The following TMEM132C variants were observed in gnomAD, a reference collection of about 807,000 sequenced individuals.
TMEM132C encodes protein phosphatase 1, regulatory subunit 152.
Under a neutral mutation model 61.4 loss-of-function variants are expected in TMEM132C, and 29 were observed. The ratio of observed to expected loss-of-function variants is 0.47; its 90% CI spans 0.35 to 0.64. The LOEUF (loss-of-function observed/expected upper bound fraction) is 0.64, where lower values mean the gene tolerates loss of function less well. Among genes scored for constraint, TMEM132C ranks in the 30% least tolerant of loss-of-function variants. TMEM132C has a pLI of 0.00. For missense variants in TMEM132C, 1,408 were observed against 1,476.9 expected (o/e 0.95, Z 0.76); for synonymous variants, 656 against 633.1 (o/e 1.04, Z -0.54).
In TMEM132C at chr12:128,325,537, T is replaced by C. The variant is rs527873933; in HGVS notation, c.85+58050T>C. ...ATGTATATACATGCACATGTATGTA[T>C]ATATGTATATACAGAGTGTATATTC... On this transcript the variant is annotated intron_variant, in intron 1 of 8. Transcript: ENST00000435159. Among the ~76,000 whole-genome samples the C allele has an allele frequency of 3.3e-5, 5 of 152,302 alleles. No individual in the cohort carries two copies. The South Asian group carries it at 1.0e-3, about 32-fold the overall frequency.
chr12:128,267,568 A>G, intron 1 of TMEM132C, 81 bp downstream of exon 1: 6 of 1,106,980 alleles, frequency 5.4e-6, no homozygotes, highest in Non-Finnish European at 6.8e-6. Context: ...GGGCAGCCGA[A>G]GCGAGGGGTG....
intron 1 of TMEM132C, among the ~76,000 whole-genome samples, chr12:128,331,368 G>A (rs1168147382): frequency 6.6e-6 from 1 of 152,128 alleles, no homozygotes; most frequent in African/African-American, 2.4e-5. Flanking sequence ...GCCAAATCAG[G>A]GCTTTTAGAA....
chr12:128,490,384 C>T (rs151288511), intron 2 of TMEM132C, among the ~76,000 whole-genome samples: 380 of 152,290 alleles, frequency 2.5e-3, no homozygotes, highest in Non-Finnish European at 4.6e-3. Context: ...CTGGCCACCA[C>T]GATGGCTCCC....
chr12:128,695,725 G>A, intron 6 of TMEM132C, 105 bp from the exon 7 acceptor site: 1 of 1,300,096 alleles, frequency 7.7e-7, no homozygotes. Flanking sequence ...TGGCGCTCGT[G>A]TCTTCAATGT....
intron 1 of TMEM132C, among the ~76,000 whole-genome samples, chr12:128,400,944 T>C (rs901399200): frequency 6.6e-6 from 1 of 152,042 alleles, no homozygotes; most frequent in Admixed American, 6.5e-5. Context: ...AGAAAAAATC[T>C]CCAGACATTG....
chr12:128,583,330 A>G (rs767198355), intron 3 of TMEM132C, among the ~76,000 whole-genome samples: 1 of 152,032 alleles, frequency 6.6e-6, no homozygotes, highest in Non-Finnish European at 1.5e-5. Context: ...AAGGCATGCA[A>G]TGCACTGGGG....
In TMEM132C at chr12:128,529,509, C is replaced by T. The variant is rs183612761; in HGVS notation, c.975-14448C>T. Among the ~76,000 whole-genome samples, 8 of 152,288 alleles carry T rather than the reference C, an allele frequency of 5.3e-5. No individual in the cohort carries two copies. The East Asian group carries it at 5.8e-4, about 11-fold the overall frequency. On this transcript the variant is annotated intron_variant, in intron 2 of 8. Coordinates refer to ENST00000435159, the MANE Select transcript of TMEM132C (RefSeq NM_001136103.3). ...GAATAAAAGAGATATAAGGGCCAGA[C>T]GTGGTGGCTTACGCTTGTAATCCCA...
chr12:128,627,555 G>C (rs1404836520), intron 4 of TMEM132C, among the ~76,000 whole-genome samples: 3 of 152,144 alleles, frequency 2.0e-5, no homozygotes, highest in African/African-American at 7.2e-5. Flanking sequence ...TGGGGGACTG[G>C]TGAGTGCCAC....
intron 2 of TMEM132C, among the ~76,000 whole-genome samples, chr12:128,503,940 G>A (rs924174887): frequency 6.6e-6 from 1 of 152,212 alleles, no homozygotes; most frequent in Non-Finnish European, 1.5e-5. Context: ...GCTTTGCCAC[G>A]TGGTTCTGGC....
chr12:128,452,528 C>A (rs1483252131), intron 2 of TMEM132C, among the ~76,000 whole-genome samples: 1 of 149,562 alleles, frequency 6.7e-6, no homozygotes, highest in Non-Finnish European at 1.5e-5. Flanking sequence ...ACTAAAAATA[C>A]AAAAATTAGC....
chr12:128,693,050 G>A (rs558311548), intron 5 of TMEM132C, among the ~76,000 whole-genome samples: 1 of 152,134 alleles, frequency 6.6e-6, no homozygotes. Flanking sequence ...ACCACAGAAG[G>A]GGTCTCATAA....
intron 1 of TMEM132C, among the ~76,000 whole-genome samples, chr12:128,317,201 T>C (rs78511504): frequency 1.3e-5 from 2 of 152,186 alleles, no homozygotes; most frequent in Admixed American, 6.5e-5. Flanking sequence ...ATTTTTTTTT[T>C]CCTAAGCAAA....
At chr12:128,539,035 C>T (rs541042412) in intron 2 of TMEM132C, among the ~76,000 whole-genome samples, 1 of 152,222 alleles carries the variant, frequency 6.6e-6, no homozygotes, top group African/African-American at 2.4e-5. Flanking sequence ...CTGAAACTCT[C>T]CTCTAGTTGT....
rs73159871 is a variant in TMEM132C, at chr12:128,474,674, G to A, written c.974+59054G>A. 2.0e-3 allele frequency among the ~76,000 whole-genome samples: 305 copies of A among 152,204 alleles called. 1 individual carries two copies. The highest frequency in any genetic ancestry group is 0.014 in the Middle Eastern group (4 of 294). ...GAAGTGGAGAAAATTCTGACATCCC[G>A]GGAGAAGAAATTACAATATAGCCCG... On this transcript the variant is annotated intron_variant, in intron 2 of 8. Coordinates refer to ENST00000435159, the MANE Select transcript of TMEM132C (RefSeq NM_001136103.3).
intron 4 of TMEM132C, among the ~76,000 whole-genome samples, chr12:128,658,667 C>T (rs80182799): frequency 0.023 from 3,542 of 152,256 alleles, 84 homozygotes; most frequent in African/African-American, 0.065. Context: ...TACAGGGAAC[C>T]GGATGCTTTC....
intron 2 of TMEM132C, among the ~76,000 whole-genome samples, chr12:128,435,323 C>G (rs1869544690): frequency 6.6e-6 from 1 of 152,132 alleles, no homozygotes; most frequent in African/African-American, 2.4e-5. Context: ...CATTAAGAAC[C>G]ACTGGTGTTT....
chr12:128,327,108 A>C (rs1174796357), intron 1 of TMEM132C, among the ~76,000 whole-genome samples: 2 of 150,104 alleles, frequency 1.3e-5, no homozygotes, highest in Non-Finnish European at 2.9e-5. Context: ...TACCAGACCC[A>C]GATGGAGTGA....
At chr12:128,536,166 A>G (rs1447537004) in intron 2 of TMEM132C, among the ~76,000 whole-genome samples, 1 of 152,224 alleles carries the variant, frequency 6.6e-6, no homozygotes, top group Admixed American at 6.5e-5. Flanking sequence ...GATAGACTGG[A>G]TTAAGACAAT....
At chr12:128,353,076 A>T (rs1873391315) in intron 1 of TMEM132C, among the ~76,000 whole-genome samples, 1 of 152,158 alleles carries the variant, frequency 6.6e-6, no homozygotes, top group Non-Finnish European at 1.5e-5. Context: ...CTTCTCTAGC[A>T]CTCATAAAGC....
Sources: gnomAD v4.1 joint callset for allele counts (sites outside exome capture counted in the v4.1 genomes callset) on GRCh38, gnomAD v4.1.1 for gene constraint, MANE v1.5 for transcripts, NCBI Gene and HGNC (gene_info 2026-07-23, HGNC 2026-07-21) for gene names.